The following HPCAL1 variants were observed in gnomAD, a reference collection of about 807,000 sequenced individuals.
HPCAL1 encodes the protein hippocalcin-like protein 1.
In HPCAL1, 8 loss-of-function variants were observed where a neutral mutation model predicts 17.1. That is an observed-to-expected ratio of 0.47 (90% CI 0.27 to 0.84). The LOEUF is 0.84. Among genes scored for constraint, HPCAL1 ranks in the 40% least tolerant of loss-of-function variants. HPCAL1 has a pLI of 0.13. For synonymous variants in HPCAL1, 112 were observed against 111.4 expected (o/e 1.01, Z -0.03); for missense variants, 165 against 271.1 (o/e 0.61, Z 2.75).
intron 1 of HPCAL1, among the ~76,000 whole-genome samples, chr2:10,370,208 A>G (rs1667123527): frequency 1.3e-5 from 2 of 152,032 alleles, no homozygotes. Flanking sequence ...CATTCCCCAA[A>G]TCGCCTCTGC....
At chr2:10,314,596 A>C (rs900262087) in intron 1 of HPCAL1, among the ~76,000 whole-genome samples, 1 of 152,214 alleles carries the variant, frequency 6.6e-6, no homozygotes, top group African/African-American at 2.4e-5. Context: ...TCTAGCAGGA[A>C]AAACCACTGC....
chr2:10,326,020 G>A (rs1382387010), intron 1 of HPCAL1, among the ~76,000 whole-genome samples: 1 of 152,218 alleles, frequency 6.6e-6, no homozygotes, highest in Non-Finnish European at 1.5e-5. Flanking sequence ...GTGTTTGCTT[G>A]GAAGTGAGGC....
chr2:10,391,653 C>T (rs1057156733), intron 1 of HPCAL1, among the ~76,000 whole-genome samples: 3 of 152,214 alleles, frequency 2.0e-5, no homozygotes, highest in South Asian at 4.1e-4. Flanking sequence ...CAAGAAACTA[C>T]GAATCTACTT....
At chr2:10,311,478 G>A (rs1662956448) in intron 1 of HPCAL1, among the ~76,000 whole-genome samples, 1 of 152,140 alleles carries the variant, frequency 6.6e-6, no homozygotes. Context: ...AAGAATTGCT[G>A]CTTTTATGAG....
In HPCAL1 at chr2:10,322,999, GC is replaced by G. The variant is rs545137317; in HGVS notation, c.-111+19827del. Among the ~76,000 whole-genome samples the G allele has an allele frequency of 3.8e-3, 580 of 152,270 alleles. 5 individuals carry two copies. Among genetic ancestry groups the G allele is most frequent in the Non-Finnish European group, 5.4e-3 (368 of 68,014 alleles). ...AGCAGGCAAGCCTGGGACACACGCT[GC>G]CCCCTTCTGCTTTCCTGTCCCTCCA... On this transcript the variant is annotated intron_variant, in intron 1 of 4. Transcript: ENST00000307845.
chr2:10,404,871 G>A (rs1035679734), intron 2 of HPCAL1, among the ~76,000 whole-genome samples: 12 of 152,074 alleles, frequency 7.9e-5, no homozygotes, highest in African/African-American at 2.2e-4. Flanking sequence ...TGGGTGTGCC[G>A]AGCGAGAAGG....
chr2:10,373,471 C>T (rs1667354657), intron 1 of HPCAL1, among the ~76,000 whole-genome samples: 3 of 152,202 alleles, frequency 2.0e-5, no homozygotes, highest in Admixed American at 1.3e-4. Context: ...TTTAAAGTCA[C>T]TGAAAGTGAC....
Position 10,381,824 on chromosome 2 carries a change from G to A in HPCAL1, c.-110-15011G>A, listed in dbSNP as rs369009470. 4.6e-5 allele frequency among the ~76,000 whole-genome samples: 7 copies of A among 152,290 alleles called. No individual in the cohort carries two copies. In the South Asian group the frequency reaches 8.3e-4, roughly 18 times the overall value. On this transcript the variant is annotated intron_variant, in intron 1 of 4. Transcript: ENST00000307845. ...AGCCTCACTCACTGCTGGTGGGAAC[G>A]CAAAACAGTACAGCCACCTTGGAAG...
chr2:10,418,404 C>G (rs997218310), intron 2 of HPCAL1, among the ~76,000 whole-genome samples: 7 of 143,724 alleles, frequency 4.9e-5, no homozygotes, highest in Non-Finnish European at 7.5e-5. Flanking sequence ...ACTGCACACT[C>G]CTCATAAGTG....
intron 2 of HPCAL1, among the ~76,000 whole-genome samples, chr2:10,401,683 G>T (rs1047617415): frequency 1.3e-5 from 2 of 152,096 alleles, no homozygotes; most frequent in African/African-American, 4.8e-5. Context: ...TGTTCTAGGC[G>T]CTGTGCTAAT....
chr2:10,364,743 A>G (rs1666745094), intron 1 of HPCAL1, among the ~76,000 whole-genome samples: 1 of 151,914 alleles, frequency 6.6e-6, no homozygotes, highest in Admixed American at 6.5e-5. Context: ...ATGCCCCCAC[A>G]CCAGACTAAT....
intron 1 of HPCAL1, among the ~76,000 whole-genome samples, chr2:10,346,611 C>T (rs1031202692): frequency 1.3e-5 from 2 of 152,192 alleles, no homozygotes; most frequent in African/African-American, 4.8e-5. Flanking sequence ...AACCGGTCTA[C>T]CAGGCTGAGA....
chr2:10,330,836 G>A lies in HPCAL1; in HGVS notation c.-111+27659G>A, dbSNP rs1558462510. Among the ~76,000 whole-genome samples the A allele has an allele frequency of 1.3e-5, 2 of 152,194 alleles. No homozygotes were observed. Among genetic ancestry groups the A allele is most frequent in the Admixed American group, 6.5e-5 (1 of 15,282 alleles). ...AGGGGCTCTCTGTCAGTGTGTCTCC[G>A]ACTGCGGACCCCGATCATCTTTGTG... On this transcript the variant is annotated intron_variant, in intron 1 of 4. Coordinates refer to ENST00000307845, the MANE Select transcript of HPCAL1 (RefSeq NM_002149.4). The surrounding 1 kb of genome is among the most constrained non-coding windows in gnomAD (Gnocchi z 4.2).
chr2:10,369,986 G>A lies in HPCAL1; in HGVS notation c.-110-26849G>A, dbSNP rs1400481145. 5.3e-5 allele frequency among the ~76,000 whole-genome samples: 8 copies of A among 152,140 alleles called. No individual in the cohort carries two copies. In the East Asian group the frequency reaches 9.6e-4, roughly 18 times the overall value. ...TTAGCCCTTATCTCAATGTGCAGGCGCCTACCTGGCCCACTTATCTTCAAG... is the reference window on the plus strand; with the variant it reads ...TTAGCCCTTATCTCAATGTGCAGGCACCTACCTGGCCCACTTATCTTCAAG... On this transcript the variant is annotated intron_variant, in intron 1 of 4. Coordinates refer to ENST00000307845, the MANE Select transcript of HPCAL1 (RefSeq NM_002149.4).
At chr2:10,373,386 G>A (rs924888964) in intron 1 of HPCAL1, among the ~76,000 whole-genome samples, 5 of 152,162 alleles carry the variant, frequency 3.3e-5, no homozygotes, top group African/African-American at 1.2e-4. Context: ...GCATGAGTGA[G>A]ACATGAGGGG....
intron 2 of HPCAL1, among the ~76,000 whole-genome samples, chr2:10,418,243 A>G (rs1300373848): frequency 6.6e-6 from 1 of 151,160 alleles, no homozygotes; most frequent in Non-Finnish European, 1.5e-5. Context: ...ATAGTGTGAA[A>G]CCCTGTCTCT....
chr2:10,306,871 T>C (rs1042585008), intron 1 of HPCAL1, among the ~76,000 whole-genome samples: 4 of 152,200 alleles, frequency 2.6e-5, no homozygotes, highest in African/African-American at 9.7e-5. Flanking sequence ...CATGACGAAC[T>C]AAAGAAATCC....
intron 1 of HPCAL1, among the ~76,000 whole-genome samples, chr2:10,319,441 A>G (rs1663529174): frequency 6.6e-6 from 1 of 152,144 alleles, no homozygotes; most frequent in Admixed American, 6.5e-5. Flanking sequence ...CTGGACTCTC[A>G]GATGAAAAAT....
rs1662911407 is a variant in HPCAL1 at position 10,310,853 on chromosome 2, G to A, written c.-111+7676G>A. On this transcript the variant is annotated intron_variant, in intron 1 of 4. Coordinates refer to ENST00000307845, the MANE Select transcript of HPCAL1 (RefSeq NM_002149.4). The surrounding 1 kb of genome is among the most constrained non-coding windows in gnomAD (Gnocchi z 4.5). ...CTAGCAGCAAAATGCTCAGCTCTCTGCCTTCTTTCTGTGCATTTAACAGAC... is the reference window on the plus strand; with the variant it reads ...CTAGCAGCAAAATGCTCAGCTCTCTACCTTCTTTCTGTGCATTTAACAGAC... 6.6e-6 allele frequency among the ~76,000 whole-genome samples: 1 copy of A among 152,166 alleles called. No homozygotes were observed. Among genetic ancestry groups the A allele is most frequent in the Non-Finnish European group, 1.5e-5 (1 of 68,034 alleles).
Sources: gnomAD v4.1 joint callset for allele counts (sites outside exome capture counted in the v4.1 genomes callset) on GRCh38, gnomAD v4.1.1 for gene constraint, Gnocchi (gnomAD v3.1) non-coding constraint, MANE v1.5 for transcripts, NCBI Gene and HGNC (gene_info 2026-07-23, HGNC 2026-07-21) for gene names.